Variants in NRXN3 observed in about 807,000 individuals in gnomAD.
The protein encoded by NRXN3 is neurexin III.
NRXN3 carries 32 observed loss-of-function variants against 137.6 expected under a neutral mutation model. That is an observed-to-expected ratio of 0.23 (90% CI 0.18 to 0.31). The LOEUF (loss-of-function observed/expected upper bound fraction) is 0.31. Ranked by LOEUF, NRXN3 falls within the 10% of genes least tolerant of loss-of-function variation. The probability of loss-of-function intolerance (pLI) is 1.00; values close to 1 mark genes in which losing one functional copy is unlikely to be tolerated. For synonymous variants in NRXN3, 798 were observed against 784.5 expected (o/e 1.02, Z -0.29); for missense variants, 1,574 against 2,062.5 (o/e 0.76, Z 4.59).
chr14:79,768,021 T>C (rs1001437295), intron 19 of NRXN3, among the ~76,000 whole-genome samples: 1 of 152,186 alleles, frequency 6.6e-6, no homozygotes, highest in Non-Finnish European at 1.5e-5. Flanking sequence ...AGACGGCACC[T>C]GGAAAATTGG....
At chr14:78,276,967 T>G (rs188750304) in intron 2 of NRXN3, among the ~76,000 whole-genome samples, 288 of 152,324 alleles carry the variant, frequency 1.9e-3, no homozygotes, top group African/African-American at 6.0e-3. Flanking sequence ...CCACCTCTTC[T>G]CTTCTTCCTG....
At chr14:78,864,794 T>A (rs959083211) in intron 10 of NRXN3, among the ~76,000 whole-genome samples, 1 of 152,142 alleles carries the variant, frequency 6.6e-6, no homozygotes, top group Non-Finnish European at 1.5e-5. Flanking sequence ...AAAGTGGGCA[T>A]GGCCTGATGG....
At chr14:79,125,611 C>T (rs540668196) in intron 15 of NRXN3, among the ~76,000 whole-genome samples, 4 of 152,214 alleles carry the variant, frequency 2.6e-5, no homozygotes, top group Non-Finnish European at 4.4e-5. Flanking sequence ...AAATAGCCCT[C>T]GAATATGGAC....
At chr14:78,372,501 A>G (rs1298035093) in intron 4 of NRXN3, among the ~76,000 whole-genome samples, 2 of 151,764 alleles carry the variant, frequency 1.3e-5, no homozygotes, top group Non-Finnish European at 2.9e-5. Context: ...ATTTTTTTGT[A>G]TTTTTAGTAG....
intron 15 of NRXN3, among the ~76,000 whole-genome samples, chr14:79,203,153 G>A (rs2066302336): frequency 6.6e-6 from 1 of 152,168 alleles, no homozygotes; most frequent in African/African-American, 2.4e-5. Flanking sequence ...CCTGGAGGAA[G>A]ATGGAGATTA....
Position 79,723,125 on chromosome 14 carries a change from G to A in NRXN3, c.4014+25188G>A, listed in dbSNP as rs534615943. On this transcript the variant is annotated intron_variant, in intron 19 of 20. Transcript: ENST00000335750. Reference sequence around the variant, plus strand: ...CCTAGGATATAAGTGAGCACATACCGGAGAAAAATATGCCAACATAGTAGC... The same window carrying A: ...CCTAGGATATAAGTGAGCACATACCAGAGAAAAATATGCCAACATAGTAGC... Among the ~76,000 whole-genome samples, 62 of 152,152 alleles carry A rather than the reference G, an allele frequency of 4.1e-4. 1 individual carries two copies. The highest frequency in any genetic ancestry group is 1.3e-3 in the African/African-American group (56 of 41,520).
At position 78,650,263 on chromosome 14, in the gene NRXN3, G is replaced by A. The variant is rs546449985; in HGVS notation, c.1060-902G>A. Among the ~76,000 whole-genome samples the A allele has an allele frequency of 3.3e-5, 5 of 151,712 alleles. 1 individual carries two copies. In the South Asian group the frequency reaches 8.4e-4, roughly 25 times the overall value. On this transcript the variant is annotated intron_variant, in intron 5 of 20. Coordinates refer to ENST00000335750, the MANE Select transcript of NRXN3 (RefSeq NM_001330195.2). ...TTTCTCCCCACCCTTTCCCAGTTTT[G>A]TTTTTCTTCTGCCTTCTCTCTTGGT... is the stretch of plus-strand genomic sequence containing the variant.
chr14:79,799,324 C>A (rs75647277), intron 19 of NRXN3, among the ~76,000 whole-genome samples: 1 of 152,074 alleles, frequency 6.6e-6, no homozygotes, highest in Admixed American at 6.5e-5. Flanking sequence ...ATTTTTCTCC[C>A]CTTGAGAAAG....
chr14:79,590,383 AC>A (rs1219622280), intron 16 of NRXN3, among the ~76,000 whole-genome samples: 1 of 144,620 alleles, frequency 6.9e-6, no homozygotes, highest in East Asian at 2.0e-4. Flanking sequence ...GCGATGTGGA[AC>A]TGTAAGTCCA....
chr14:78,949,090 T>C (rs1005568371), intron 10 of NRXN3, among the ~76,000 whole-genome samples: 2 of 151,782 alleles, frequency 1.3e-5, no homozygotes, highest in Admixed American at 1.3e-4. Flanking sequence ...CCCTATCACT[T>C]CCCCAAAAAG....
intron 17 of NRXN3, among the ~76,000 whole-genome samples, chr14:79,670,785 T>C (rs1226492063): frequency 6.6e-6 from 1 of 152,154 alleles, no homozygotes; most frequent in Non-Finnish European, 1.5e-5. Context: ...ATAATAATTG[T>C]ACCTGCAGGT....
At chr14:78,181,730 G>A (rs2153353811) in intron 1 of NRXN3, among the ~76,000 whole-genome samples, 1 of 152,274 alleles carries the variant, frequency 6.6e-6, no homozygotes, top group South Asian at 2.1e-4. Context: ...CCCTGGGATT[G>A]GTGAAACAGC....
At chr14:79,739,166 C>T (rs567627305) in intron 19 of NRXN3, among the ~76,000 whole-genome samples, 5 of 152,038 alleles carry the variant, frequency 3.3e-5, no homozygotes, top group African/African-American at 4.8e-5. Flanking sequence ...AATGAAGGCA[C>T]GTGGGTGTTT....
intron 15 of NRXN3, among the ~76,000 whole-genome samples, chr14:79,455,734 C>T (rs960493613): frequency 3.3e-5 from 5 of 151,426 alleles, no homozygotes. Flanking sequence ...TTCTAATGTT[C>T]TATTTTTCTC....
chr14:79,098,792 G>A (rs2050782291), intron 15 of NRXN3, among the ~76,000 whole-genome samples: 1 of 152,162 alleles, frequency 6.6e-6, no homozygotes, highest in African/African-American at 2.4e-5. Flanking sequence ...GATGACTGTG[G>A]CAGCTTCAGA....
chr14:79,615,521 A>G (rs1299296781), intron 16 of NRXN3, among the ~76,000 whole-genome samples: 3 of 152,328 alleles, frequency 2.0e-5, no homozygotes, highest in Admixed American at 6.5e-5. Flanking sequence ...TCACATTGCT[A>G]TAAAAAACTG....
chr14:79,629,267 G>A (rs187501949), intron 16 of NRXN3, among the ~76,000 whole-genome samples: 47 of 151,822 alleles, frequency 3.1e-4, no homozygotes, highest in Non-Finnish European at 4.1e-4. Context: ...ATATAATTCC[G>A]AAATGAAAAA....
chr14:78,537,765 C>T (rs1161159863), intron 4 of NRXN3, among the ~76,000 whole-genome samples: 1 of 152,050 alleles, frequency 6.6e-6, no homozygotes, highest in East Asian at 1.9e-4. Flanking sequence ...AGTCTTTAAT[C>T]CATCTTGAAT....
intron 15 of NRXN3, among the ~76,000 whole-genome samples, chr14:79,095,919 A>G (rs926131469): frequency 6.6e-6 from 1 of 152,114 alleles, no homozygotes; most frequent in Non-Finnish European, 1.5e-5. Flanking sequence ...ATTCATGTGC[A>G]TTTGAACAAG....
Sources: gnomAD v4.1 joint callset for allele counts (sites outside exome capture counted in the v4.1 genomes callset) on GRCh38, gnomAD v4.1.1 for gene constraint, MANE v1.5 for transcripts, NCBI Gene and HGNC (gene_info 2026-07-23, HGNC 2026-07-21) for gene names.